Variants in AGBL1 observed in about 807,000 individuals in gnomAD.
The protein encoded by AGBL1 is AGBL carboxypeptidase 1.
In AGBL1, 130 loss-of-function variants were observed where a neutral mutation model predicts 118.9. The observed-to-expected ratio is 1.09, with a 90% CI of 0.95 to 1.26. The LOEUF is 1.26. AGBL1 is among the 50% of genes most tolerant of loss of function. AGBL1 has a pLI of 0.00. For missense variants in AGBL1, 1,584 were observed against 1,298.1 expected (o/e 1.22, Z -3.38); for synonymous variants, 555 against 478.9 (o/e 1.16, Z -2.08).
In AGBL1 at chr15:86,271,682, C is replaced by T. The variant is rs752910808; in HGVS notation, c.2051C>T (p.Thr684Ile). Residue 684 changes from threonine (T) to isoleucine (I), a missense_variant, in exon 15 of 23, where the codon ACA becomes ATA. By Grantham distance (89) the Thr-to-Ile change is moderately conservative. Transcript: ENST00000614907. ...ALLGKPTWIR[T>I]GHEICYYKNH... ...CTTGGCAAACCCACCTGGATAAGGA[C>T]AGGCCATGAAATATGTTATTACAAG... 1 of 1,613,278 alleles carries T rather than the reference C, an allele frequency of 6.2e-7. No homozygotes were observed. The highest frequency in any genetic ancestry group is 8.5e-7 in the Non-Finnish European group (1 of 1,179,266).
chr15:86,385,427 A>C (rs2081169893), intron 17 of AGBL1, among the ~76,000 whole-genome samples: 1 of 152,178 alleles, frequency 6.6e-6, no homozygotes, highest in Non-Finnish European at 1.5e-5. Context: ...CTCAGGCATC[A>C]CCTCAGACTC....
chr15:86,723,523 G>T (rs538481826), intron 22 of AGBL1, among the ~76,000 whole-genome samples: 1 of 152,134 alleles, frequency 6.6e-6, no homozygotes, highest in Admixed American at 6.5e-5. Context: ...GGTGAGGGGG[G>T]AGGGATAACA....
intron 17 of AGBL1, chr15:86,316,735 CTG>C (rs1051357131): frequency 1.1e-4 from 16 of 152,262 alleles, no homozygotes; most frequent in African/African-American, 3.9e-4. Flanking sequence ...CTTACCCTAA[CTG>C]TTGTCTTCCT....
rs59417397 is a variant in AGBL1 at position 86,433,266 on chromosome 15, C to CTTTTTTTTTTTTTTTTTTTTTTTTTT, written c.2555+35722_2555+35747dup. On this transcript the variant is annotated intron_variant, in intron 18 of 22. Transcript: ENST00000614907. ...TCTCCTCCTCCTCCTCCTCCTTCTTCTTTTTTTTTTTTTTTTTTTTTTTTT... is the reference window on the plus strand; with the variant it reads ...TCTCCTCCTCCTCCTCCTCCTTCTTCTTTTTTTTTTTTTTTTTTTTTTTTTTTTTTTTTTTTTTTTTTTTTTTTTTT... Among the ~76,000 whole-genome samples the CTTTTTTTTTTTTTTTTTTTTTTTTTT allele has an allele frequency of 9.3e-5, 7 of 74,892 alleles. 2 individuals carry two copies. Among genetic ancestry groups the CTTTTTTTTTTTTTTTTTTTTTTTTTT allele is most frequent in the African/African-American group, 3.7e-4 (7 of 19,002 alleles). The allele number at this position is 74,892 out of a possible 152,430, so 49.1% of individuals were successfully genotyped here. A position where few individuals can be genotyped will look rare whatever the true frequency, so the allele number is the denominator to read the frequency against.
chr15:86,660,345 C>T (rs1171486650), intron 21 of AGBL1, among the ~76,000 whole-genome samples: 2 of 151,994 alleles, frequency 1.3e-5, no homozygotes, highest in Non-Finnish European at 2.9e-5. Flanking sequence ...CATTTATAAA[C>T]AAACATACAA....
intron 23 of AGBL1, among the ~76,000 whole-genome samples, chr15:86,975,186 G>A (rs996989551): frequency 4.0e-5 from 6 of 151,816 alleles, no homozygotes; most frequent in Non-Finnish European, 8.8e-5. Flanking sequence ...TGCTAATAAT[G>A]ACATACCGGA....
chr15:86,645,269 A>G (rs574014457), intron 21 of AGBL1, among the ~76,000 whole-genome samples: 89 of 152,332 alleles, frequency 5.8e-4, no homozygotes, highest in African/African-American at 2.0e-3. Flanking sequence ...AAAGTAATAT[A>G]CATACATATA....
chr15:86,508,983 TA>T (rs2083019591), intron 18 of AGBL1, among the ~76,000 whole-genome samples: 1 of 152,136 alleles, frequency 6.6e-6, no homozygotes, highest in African/African-American at 2.4e-5. Flanking sequence ...TCCTGTGAGT[TA>T]AATACTGGTA....
At chr15:86,266,244 GGT>G (rs2079069096) in intron 11 of AGBL1, 128 bp from the exon 12 acceptor site, 1 of 545,338 alleles carries the variant, frequency 1.8e-6, no homozygotes, top group Admixed American at 3.3e-5. Flanking sequence ...TCAAAGTTGA[GGT>G]GTTATTAAAC....
intron 5 of AGBL1, among the ~76,000 whole-genome samples, chr15:86,178,452 G>A (rs756264062): frequency 7.9e-5 from 12 of 152,156 alleles, no homozygotes; most frequent in Admixed American, 6.6e-4. Context: ...GAAATACTAC[G>A]AACAACTTTG....
intron 17 of AGBL1, among the ~76,000 whole-genome samples, chr15:86,298,246 A>T (rs990621715): frequency 0.014 from 969 of 69,734 alleles, 58 homozygotes; most frequent in African/African-American, 0.059. Flanking sequence ...GTCTGTGTAT[A>T]ATATATATAT....
rs752259155 is a variant in AGBL1 at position 86,820,745 on chromosome 15, G to A, written c.3159-86342G>A. Among the ~76,000 whole-genome samples the A allele has an allele frequency of 5.3e-5, 8 of 152,146 alleles. 1 individual carries two copies. The highest frequency in any genetic ancestry group is 2.1e-4 in the South Asian group (1 of 4,824). On this transcript the variant is annotated intron_variant, in intron 22 of 22. Transcript: ENST00000614907. ...TACACTGTGGTGGGAGTGTAAATTC[G>A]TTCAACCATTGTGGAAGACAGTGTG...
intron 9 of AGBL1, among the ~76,000 whole-genome samples, chr15:86,259,416 C>G (rs1344592362): frequency 1.3e-5 from 2 of 152,030 alleles, no homozygotes; most frequent in Non-Finnish European, 2.9e-5. Context: ...GTCAATGCTG[C>G]CTTTTATGAC....
chr15:86,806,574 C>T (rs1305899092), intron 22 of AGBL1, among the ~76,000 whole-genome samples: 4 of 152,092 alleles, frequency 2.6e-5, no homozygotes, highest in African/African-American at 9.7e-5. Flanking sequence ...CTAACACTGA[C>T]TAGTTATGTG....
At chr15:86,557,688 C>T (rs574301951) in intron 21 of AGBL1, among the ~76,000 whole-genome samples, 30 of 152,264 alleles carry the variant, frequency 2.0e-4, no homozygotes, top group South Asian at 1.0e-3. Context: ...CATTGTGTCT[C>T]GATAAAATCC....
chr15:86,578,190 C>T (rs1367382823), intron 21 of AGBL1, among the ~76,000 whole-genome samples: 1 of 152,208 alleles, frequency 6.6e-6, no homozygotes, highest in East Asian at 1.9e-4. Context: ...CATGGAAACG[C>T]ACCTCTTGCA....
chr15:86,394,404 C>T (rs1216972271), intron 17 of AGBL1, among the ~76,000 whole-genome samples: 1 of 152,118 alleles, frequency 6.6e-6, no homozygotes, highest in Non-Finnish European at 1.5e-5. Flanking sequence ...ATCATTCTCC[C>T]TACAACTATT....
intron 1 of AGBL1, among the ~76,000 whole-genome samples, chr15:86,084,211 G>A (rs1173724012): frequency 6.6e-6 from 1 of 152,232 alleles, no homozygotes; most frequent in East Asian, 1.9e-4. Context: ...GTAGAGAAGG[G>A]ATGATGACAG....
At chr15:86,850,690 T>C (rs2079396189) in intron 22 of AGBL1, among the ~76,000 whole-genome samples, 1 of 152,022 alleles carries the variant, frequency 6.6e-6, no homozygotes, top group African/African-American at 2.4e-5. Context: ...AAAATGGGAG[T>C]GATAAGAATA....
Sources: allele counts gnomAD v4.1 joint callset (sites outside exome capture counted in the v4.1 genomes callset), GRCh38; gene constraint gnomAD v4.1.1; transcripts MANE v1.5; gene names NCBI Gene and HGNC (gene_info 2026-07-23, HGNC 2026-07-21).